Variants in FIG4 observed in about 807,000 individuals in gnomAD.
FIG4 encodes FIG4 phosphoinositide 5-phosphatase.
Under a neutral mutation model 118.6 loss-of-function variants are expected in FIG4, and 112 were observed. The observed-to-expected ratio is 0.94, with a 90% CI of 0.81 to 1.11. The LOEUF is 1.11. FIG4 is among the 50% of genes least tolerant of loss of function. FIG4 has a pLI of 0.00. For synonymous variants in FIG4, 369 were observed against 381.2 expected (o/e 0.97, Z 0.37); for missense variants, 969 against 1,111.7 (o/e 0.87, Z 1.83).
intron 1 of FIG4, among the ~76,000 whole-genome samples, chr6:109,697,090 G>A (rs1028548479): frequency 1.3e-5 from 2 of 151,858 alleles, no homozygotes; most frequent in African/African-American, 4.8e-5. Flanking sequence ...GTGAAACCCC[G>A]TCTCTACTAA....
intron 22 of FIG4, among the ~76,000 whole-genome samples, chr6:109,816,188 G>A (rs143545365): frequency 2.0e-5 from 3 of 152,254 alleles, no homozygotes; most frequent in East Asian, 1.9e-4. Flanking sequence ...CTCAGTAGCC[G>A]ATGGAACATC....
chr6:109,806,018 C>A (rs931702398), intron 22 of FIG4, among the ~76,000 whole-genome samples: 3 of 152,074 alleles, frequency 2.0e-5, no homozygotes, highest in African/African-American at 7.2e-5. Flanking sequence ...TTTTAGATGT[C>A]TTTTTGACAG....
chr6:109,801,175 A>T (rs1778417275), intron 22 of FIG4, among the ~76,000 whole-genome samples: 1 of 152,214 alleles, frequency 6.6e-6, no homozygotes, highest in South Asian at 2.1e-4. Context: ...ATGGTTCAAA[A>T]TATAATACAG....
intron 4 of FIG4, among the ~76,000 whole-genome samples, chr6:109,727,886 AG>A (rs1419976207): frequency 1.3e-5 from 2 of 152,232 alleles, no homozygotes; most frequent in Non-Finnish European, 2.9e-5. Context: ...AGAATGTAAA[AG>A]TCATCAAAGA....
Position 109,776,985 on chromosome 6 carries a change from C to G in FIG4, c.1814C>G (p.Pro605Arg). Residue 605 changes from proline (P) to arginine (R), a missense_variant, in exon 16 of 23, where the codon CCT becomes CGT. This residue lies in a region of FIG4 where 246 missense variants were observed against 354.3 expected (regional missense o/e 0.69). Coordinates refer to ENST00000230124, the MANE Select transcript of FIG4 (RefSeq NM_014845.6). ...LGVFHPTEGK[P>R]HLWELPTDFY... ...GTTTTCCATCCCACTGAAGGGAAAC[C>G]TCATCTCTGGGAGCTCCCAACAGAT... is the stretch of plus-strand genomic sequence containing the variant. 1 of 1,613,386 alleles carries G rather than the reference C, an allele frequency of 6.2e-7. No homozygotes were observed. Among genetic ancestry groups the G allele is most frequent in the Non-Finnish European group, 8.5e-7 (1 of 1,179,456 alleles).
At chr6:109,775,626 T>C (rs1239151830) in intron 15 of FIG4, among the ~76,000 whole-genome samples, 2 of 152,214 alleles carry the variant, frequency 1.3e-5, no homozygotes, top group African/African-American at 4.8e-5. Flanking sequence ...TTGTATTATG[T>C]AAAGAGGGTA....
At chr6:109,707,432 T>TATATATACATATATACCTATAC in intron 1 of FIG4, among the ~76,000 whole-genome samples, 1 of 148,436 alleles carries the variant, frequency 6.7e-6, no homozygotes, top group East Asian at 1.9e-4. Flanking sequence ...CATATATACA[T>TATATATACATATATACCTATAC]ATATATACAT....
chr6:109,707,992 C>CT (rs548333111), intron 1 of FIG4, among the ~76,000 whole-genome samples: 41,229 of 141,376 alleles, frequency 0.29, 6,034 homozygotes, highest in Non-Finnish European at 0.35. Context: ...TCTCAGTATT[C>CT]TTTTTTTTTT....
In FIG4 at chr6:109,784,953, T is replaced by A. The variant is rs201890605; in HGVS notation, c.1890-17T>A. 70 of 1,404,826 alleles carry A rather than the reference T, an allele frequency of 5.0e-5. No homozygotes were observed. The highest frequency in any genetic ancestry group is 1.4e-4 in the East Asian group (6 of 43,892). The allele number at this position is 1,404,826 out of a possible 1,614,324, so 87.0% of individuals were successfully genotyped here. A position where few individuals can be genotyped will look rare whatever the true frequency, so the allele number is the denominator to read the frequency against. The stretch of plus-strand genomic sequence containing the variant: ...TTTACATTTGGTTCATCTTTTTTTT[T>A]AATTTTTATTTTATAGTTATACTTA... On this transcript the variant is annotated splice_polypyrimidine_tract_variant and intron_variant, in intron 16 of 22. Coordinates refer to ENST00000230124, the MANE Select transcript of FIG4 (RefSeq NM_014845.6).
rs764318914 is a variant in FIG4 at position 109,792,597 on chromosome 6, A to C, written c.2392A>C (p.Met798Leu). ...AKVTENVVQP[M>L]KELYGINLSD... Reference sequence around the variant, plus strand: ...TAAACCCCAGAATGTGGTCCAACCCATGAAGGAGCTATATGGAATTAACCT... The same window carrying C: ...TAAACCCCAGAATGTGGTCCAACCCCTGAAGGAGCTATATGGAATTAACCT... The change falls in exon 21 of 23, where the codon ATG (methionine) becomes CTG (leucine). Residue 798 changes from methionine to leucine, a missense_variant. Transcript: ENST00000230124. 2 of 1,602,206 alleles carry C rather than the reference A, an allele frequency of 1.2e-6. No individual in the cohort carries two copies. Among genetic ancestry groups the C allele is most frequent in the African/African-American group, 1.3e-5 (1 of 74,578 alleles).
intron 1 of FIG4, among the ~76,000 whole-genome samples, chr6:109,711,398 C>CA (rs1300742641): frequency 9.9e-5 from 15 of 151,262 alleles, no homozygotes; most frequent in Admixed American, 4.6e-4. Context: ...GACTCCATCT[C>CA]AAAAAAAACA....
chr6:109,755,019 T>C (rs1206162650), intron 10 of FIG4, among the ~76,000 whole-genome samples: 2 of 152,204 alleles, frequency 1.3e-5, no homozygotes, highest in Non-Finnish European at 2.9e-5. Flanking sequence ...GTTCTTTTAA[T>C]TGTGATGTTA....
chr6:109,773,887 G>T (rs1313202537), intron 15 of FIG4, among the ~76,000 whole-genome samples: 2 of 152,052 alleles, frequency 1.3e-5, no homozygotes, highest in African/African-American at 2.4e-5. Context: ...GCCCAGGCTG[G>T]TTCCTAACTC....
chr6:109,800,744 T>A (rs1778405122), intron 22 of FIG4, among the ~76,000 whole-genome samples: 3 of 152,202 alleles, frequency 2.0e-5, no homozygotes, highest in Admixed American at 2.0e-4. Context: ...GGGGGCATCC[T>A]TGAACACTTT....
intron 10 of FIG4, among the ~76,000 whole-genome samples, chr6:109,745,341 G>C (rs530795201): frequency 1.3e-4 from 20 of 152,228 alleles, no homozygotes; most frequent in African/African-American, 4.6e-4. Flanking sequence ...GTTCTAACTG[G>C]CATGAGATGG....
intron 12 of FIG4, among the ~76,000 whole-genome samples, chr6:109,763,416 A>G (rs1777172876): frequency 6.6e-6 from 1 of 152,200 alleles, no homozygotes; most frequent in Admixed American, 6.5e-5. Context: ...TCATAACAAA[A>G]CATATTCCTA....
In FIG4 at chr6:109,765,109, T is replaced by G. The variant is rs1047795813; in HGVS notation, c.1531T>G (p.Ser511Ala). 4 of 1,613,886 alleles carry G rather than the reference T, an allele frequency of 2.5e-6. No individual in the cohort carries two copies. The Admixed American group carries it at 5.0e-5, about 20-fold the overall frequency. Residue 511 changes from serine to alanine, a missense_variant, in exon 14 of 23, where the codon TCA becomes GCA. This residue lies in a region of FIG4 where 246 missense variants were observed against 354.3 expected (regional missense o/e 0.69). Coordinates refer to ENST00000230124, the MANE Select transcript of FIG4 (RefSeq NM_014845.6). ...GKCALAYQLYSLGLIDKPNLQ... is the reference protein window; with the variant it reads ...GKCALAYQLYALGLIDKPNLQ... ...ATGTGCTCTGGCCTATCAGCTGTAT[T>G]CACTGGGACTGATTGACAAACCTAA...
At chr6:109,746,119 A>C (rs1018816253) in intron 10 of FIG4, among the ~76,000 whole-genome samples, 1 of 152,196 alleles carries the variant, frequency 6.6e-6, no homozygotes, top group African/African-American at 2.4e-5. Flanking sequence ...ATCTTTGACA[A>C]ACCTGACAAA....
In FIG4 at chr6:109,786,283, C is replaced by T. The variant is rs753432782; in HGVS notation, c.1949-19C>T. ...CTATAATCTCAGACTTTTAGAGTAA[C>T]ATGCAGTATCTCTCTTAGTTATCTG... On this transcript the variant is annotated intron_variant, in intron 17 of 22. Transcript: ENST00000230124. The T allele has an allele frequency of 6.2e-7, 1 of 1,604,952 alleles. No individual in the cohort carries two copies. Among genetic ancestry groups the T allele is most frequent in the Admixed American group, 1.7e-5 (1 of 59,954 alleles).
Sources: gnomAD v4.1 joint callset for allele counts (sites outside exome capture counted in the v4.1 genomes callset) on GRCh38, gnomAD v4.1.1 for gene constraint, gnomAD v4.1.1 regional missense constraint, MANE v1.5 for transcripts, NCBI Gene and HGNC (gene_info 2026-07-23, HGNC 2026-07-21) for gene names.